Variants in CDYL2 observed in about 807,000 individuals in gnomAD.
CDYL2 encodes the protein chromodomain Y-like protein 2.
In CDYL2, 23 loss-of-function variants were observed where a neutral mutation model predicts 49.4. The observed-to-expected ratio is 0.47, with a 90% confidence interval of 0.34 to 0.66. The LOEUF (loss-of-function observed/expected upper bound fraction) is 0.66. Among genes scored for constraint, CDYL2 ranks in the 30% least tolerant of loss-of-function variants. CDYL2 has a pLI of 0.01. For synonymous variants in CDYL2, 360 were observed against 268.8 expected, an observed-to-expected ratio of 1.34 and a Z score of -3.32; for missense variants, 678 against 656.4, an observed-to-expected ratio of 1.03 and a Z score of -0.36.
chr16:80,720,236 G>C (rs185623373), intron 1 of CDYL2, among the ~76,000 whole-genome samples: 310 of 152,148 alleles, frequency 2.0e-3, no homozygotes, highest in Admixed American at 4.0e-3. Context: ...CCTCTCTGTG[G>C]ACATGCCTGG....
At chr16:80,665,233 C>T (rs1188039823) in intron 2 of CDYL2, among the ~76,000 whole-genome samples, 1 of 152,136 alleles carries the variant, frequency 6.6e-6, no homozygotes, top group Non-Finnish European at 1.5e-5. Context: ...GATCAAGCTC[C>T]ATGCATCCTT....
chr16:80,697,502 G>A (rs933510919), intron 1 of CDYL2, among the ~76,000 whole-genome samples: 1 of 151,994 alleles, frequency 6.6e-6, no homozygotes, highest in Non-Finnish European at 1.5e-5. Context: ...TTTCCTCTAA[G>A]AACTGGAACA....
chr16:80,712,191 G>GTGTATATATATATATATATATATATA (rs1555532109), intron 1 of CDYL2, among the ~76,000 whole-genome samples: 1 of 107,934 alleles, frequency 9.3e-6, no homozygotes, highest in African/African-American at 2.9e-5. Flanking sequence ...GTCTGTGTGT[G>GTGTATATATATATATATATATATATA]TATATATATA....
intron 2 of CDYL2, among the ~76,000 whole-genome samples, chr16:80,651,901 T>C (rs923019895): frequency 3.3e-5 from 5 of 152,196 alleles, no homozygotes; most frequent in African/African-American, 9.7e-5. Context: ...TGGTGGGACT[T>C]AGGTTTTCAC....
At chr16:80,761,411 A>G (rs1315574650) in intron 1 of CDYL2, among the ~76,000 whole-genome samples, 3 of 152,240 alleles carry the variant, frequency 2.0e-5, no homozygotes, top group Admixed American at 2.0e-4. Context: ...AGATTATAAC[A>G]CACCCAGAGC....
intron 2 of CDYL2, among the ~76,000 whole-genome samples, chr16:80,683,737 G>A (rs1458083301): frequency 6.6e-6 from 1 of 152,158 alleles, no homozygotes; most frequent in African/African-American, 2.4e-5. Flanking sequence ...TTGTGGATGG[G>A]ATTAGTGGCC....
intron 2 of CDYL2, among the ~76,000 whole-genome samples, chr16:80,641,858 T>C (rs1320544752): frequency 6.6e-6 from 1 of 150,836 alleles, no homozygotes; most frequent in African/African-American, 2.4e-5. Context: ...GTAACAAACC[T>C]GCACATTGTG....
At chr16:80,758,456 C>T (rs757340170) in intron 1 of CDYL2, among the ~76,000 whole-genome samples, 12 of 151,396 alleles carry the variant, frequency 7.9e-5, no homozygotes, top group Non-Finnish European at 1.0e-4. Flanking sequence ...ATGTGTACAA[C>T]ACTGGATGCA....
chr16:80,655,047 G>C (rs1204824572), intron 2 of CDYL2, among the ~76,000 whole-genome samples: 3 of 152,232 alleles, frequency 2.0e-5, no homozygotes, highest in Non-Finnish European at 4.4e-5. Flanking sequence ...CACCTCATGG[G>C]AGCTGCTTTT....
At chr16:80,648,678 G>C (rs1328561124) in intron 2 of CDYL2, among the ~76,000 whole-genome samples, 1 of 144,788 alleles carries the variant, frequency 6.9e-6, no homozygotes, top group African/African-American at 2.5e-5. Flanking sequence ...ACCAAAATCA[G>C]AAAGAAAAAA....
chr16:80,706,363 A>C (rs993525839), intron 1 of CDYL2, among the ~76,000 whole-genome samples: 1 of 152,180 alleles, frequency 6.6e-6, no homozygotes, highest in Non-Finnish European at 1.5e-5. Flanking sequence ...GCTGGCAGTG[A>C]AGGGCTCAAG....
chr16:80,650,102 G>C (rs1486556835), intron 2 of CDYL2, among the ~76,000 whole-genome samples: 3 of 152,016 alleles, frequency 2.0e-5, no homozygotes, highest in Non-Finnish European at 4.4e-5. Flanking sequence ...GGCAACCAAA[G>C]CAAAAATGGA....
intron 2 of CDYL2, among the ~76,000 whole-genome samples, chr16:80,645,578 G>A (rs747934108): frequency 1.6e-4 from 25 of 152,230 alleles, no homozygotes; most frequent in African/African-American, 3.4e-4. Context: ...ACAGTGTGGC[G>A]ATTCCTCAAG....
intron 1 of CDYL2, among the ~76,000 whole-genome samples, chr16:80,724,129 AAG>A (rs537591440): frequency 2.7e-5 from 4 of 150,746 alleles, no homozygotes; most frequent in Admixed American, 2.6e-4. Context: ...AGAAGAAAGA[AAG>A]AGGAGATAAA....
At chr16:80,764,392 C>T (rs1906640983) in intron 1 of CDYL2, among the ~76,000 whole-genome samples, 1 of 152,026 alleles carries the variant, frequency 6.6e-6, no homozygotes, top group African/African-American at 2.4e-5. Context: ...CGGAGGAAGA[C>T]CCAAGAGTAC....
intron 1 of CDYL2, among the ~76,000 whole-genome samples, chr16:80,708,529 T>C (rs1468463322): frequency 6.6e-6 from 1 of 152,174 alleles, no homozygotes; most frequent in African/African-American, 2.4e-5. Context: ...GTTATGAGAA[T>C]GAACGAATAC....
At chr16:80,605,779 C>T (rs1301941266) in intron 6 of CDYL2, among the ~76,000 whole-genome samples, 8 of 152,116 alleles carry the variant, frequency 5.3e-5, no homozygotes, top group Admixed American at 4.6e-4. Context: ...CTATGATCAC[C>T]ATTATCCAAC....
intron 1 of CDYL2, among the ~76,000 whole-genome samples, chr16:80,731,035 G>T (rs1242121187): frequency 1.3e-5 from 2 of 152,122 alleles, no homozygotes; most frequent in Non-Finnish European, 2.9e-5. Context: ...ACTGACAGAG[G>T]TGACAACTTC....
At chr16:80,656,056 C>T (rs1356631453) in intron 2 of CDYL2, among the ~76,000 whole-genome samples, 1 of 152,190 alleles carries the variant, frequency 6.6e-6, no homozygotes, top group Non-Finnish European at 1.5e-5. Context: ...GCATTGGTCT[C>T]CTTGTTCCCA....
Sources: gnomAD v4.1 joint callset for allele counts (sites outside exome capture counted in the v4.1 genomes callset) on GRCh38, gnomAD v4.1.1 for gene constraint, MANE v1.5 for transcripts, NCBI Gene and HGNC (gene_info 2026-07-23, HGNC 2026-07-21) for gene names.